Variants in NDUFV1 observed in about 807,000 individuals in gnomAD.
The protein encoded by NDUFV1 is NADH:ubiquinone oxidoreductase core subunit V1.
Under a neutral mutation model 48.7 loss-of-function variants are expected in NDUFV1, and 41 were observed. The ratio of observed to expected loss-of-function variants is 0.84; its 90% CI spans 0.66 to 1.09. NDUFV1 has a LOEUF of 1.09. Among genes scored for constraint, NDUFV1 ranks in the 50% least tolerant of loss-of-function variants. NDUFV1 has a pLI of 0.00. For missense variants in NDUFV1, 580 were observed against 645.4 expected (o/e 0.90, Z 1.10); for synonymous variants, 231 against 259.1 (o/e 0.89, Z 1.04).
intron 1 of NDUFV1, 51 bp downstream of exon 1, chr11:67,607,127 G>C (rs932743271): frequency 2.7e-5 from 42 of 1,562,846 alleles, no homozygotes; most frequent in Non-Finnish European, 3.4e-5. Flanking sequence ...GGGTGTCGCG[G>C]CCGCGCCCGT....
intron 1 of NDUFV1, 102 bp from the exon 2 acceptor site, chr11:67,608,294 C>A: frequency 9.0e-7 from 1 of 1,116,958 alleles, no homozygotes; most frequent in South Asian, 1.2e-5. Flanking sequence ...CTAGCCCTAG[C>A]CCAGCCCCTC....
chr11:67,607,743 G>T (rs1460779596), intron 1 of NDUFV1: 1 of 330,030 alleles, frequency 3.0e-6, no homozygotes, highest in South Asian at 2.3e-5. Context: ...CTGTGGGTTT[G>T]GCCACCGACA....
At chr11:67,608,231 A>AAG in intron 1 of NDUFV1, 165 bp from the exon 2 acceptor site, 1 of 725,284 alleles carries the variant, frequency 1.4e-6, no homozygotes, top group Non-Finnish European at 2.4e-6. Context: ...GTCTCAAAAA[A>AAG]AAAAAAATGC....
At position 67,611,502 on chromosome 11, in the gene NDUFV1, A is replaced by G. The variant is rs768791672; in HGVS notation, c.1013A>G (p.Asp338Gly). 6.2e-7 allele frequency: 1 copy of G among 1,613,744 alleles called. No individual in the cohort carries two copies. Among genetic ancestry groups the G allele is most frequent in the South Asian group, 1.1e-5 (1 of 90,922 alleles). Residue 338 changes from aspartate (D) to glycine (G), a missense_variant, in exon 7 of 10, where the codon GAC (aspartate) becomes GGC (glycine). Transcript: ENST00000322776. This position sits in a 1 kb window ranked among gnomAD's most constrained non-coding sequence, Gnocchi z 4.2. ...PKSVCETVLM[D>G]FDALVQAQTG... Reference sequence around the variant, plus strand: ...TCTGTGTGTGAGACGGTGCTGATGGACTTCGATGCGCTGGTGCAGGCACAG... The same window carrying G: ...TCTGTGTGTGAGACGGTGCTGATGGGCTTCGATGCGCTGGTGCAGGCACAG...
At position 67,611,291 on chromosome 11, in the gene NDUFV1, G is replaced by T; in HGVS notation, c.913+84G>T. On this transcript the variant is annotated intron_variant, in intron 6 of 9. Coordinates refer to ENST00000322776, the MANE Select transcript of NDUFV1 (RefSeq NM_007103.4). The surrounding 1 kb of genome is among the most constrained non-coding windows in gnomAD (Gnocchi z 4.2). Reference sequence around the variant, plus strand: ...AAGAGAGCCTGGGCGGGAGGGCTCAGGAGACGGGGCTGGGTCTAGGGGCTG... The same window carrying T: ...AAGAGAGCCTGGGCGGGAGGGCTCATGAGACGGGGCTGGGTCTAGGGGCTG... The T allele has an allele frequency of 1.9e-6, 3 of 1,595,430 alleles. No homozygotes were observed. The highest frequency in any genetic ancestry group is 2.6e-6 in the Non-Finnish European group (3 of 1,167,338).
In NDUFV1 at chr11:67,608,704, A is replaced by G; in HGVS notation, c.308A>G (p.Asn103Ser). 3 of 1,614,018 alleles carry G rather than the reference A, an allele frequency of 1.9e-6. No individual in the cohort carries two copies. Among genetic ancestry groups the G allele is most frequent in the South Asian group, 1.1e-5 (1 of 91,074 alleles). The change falls in exon 3 of 10, where the codon AAT becomes AGT. Residue 103 changes from asparagine to serine, a missense_variant. Physicochemically the swap from Asn to Ser is conservative, Grantham distance 46. Transcript: ENST00000322776. ...ACTGGCCTCAAGTGGAGCTTCATGA[A>G]TAAGCCCTCAGATGGCAGGTGTGTG... ...FPTGLKWSFM[N>S]KPSDGRPKYL...
chr11:67,612,325 G>A lies in NDUFV1; in HGVS notation c.1309-47G>A, dbSNP rs200142876. ...GGTGGCATCAAGGGCCCAGGGTGTT[G>A]GGGGATTTTTGGACTCTGTTTCACA... is the stretch of plus-strand genomic sequence containing the variant. On this transcript the variant is annotated intron_variant, in intron 9 of 9. Coordinates refer to ENST00000322776, the MANE Select transcript of NDUFV1 (RefSeq NM_007103.4). The surrounding 1 kb of genome is among the most constrained non-coding windows in gnomAD (Gnocchi z 4.4). 1,226 of 1,613,902 alleles carry A rather than the reference G, an allele frequency of 7.6e-4. No homozygotes were observed. The highest frequency in any genetic ancestry group is 8.9e-4 in the Non-Finnish European group (1,045 of 1,179,908).
intron 4 of NDUFV1, 89 bp from the exon 5 acceptor site, chr11:67,610,292 G>A (rs1053746485): frequency 1.9e-5 from 28 of 1,471,094 alleles, no homozygotes; most frequent in Middle Eastern, 1.7e-4. Flanking sequence ...TTCACCGTGG[G>A]AGGCCTTCAA....
At position 67,612,180 on chromosome 11, in the gene NDUFV1, A is replaced by C. The variant is rs760250432; in HGVS notation, c.1223A>C (p.Glu408Ala). 3.0e-5 allele frequency: 48 copies of C among 1,613,530 alleles called. No homozygotes were observed. Among genetic ancestry groups the C allele is most frequent in the Non-Finnish European group, 3.8e-5 (45 of 1,179,942 alleles). ...RFVRGDARPA[E>A]IDSLWEISKQ... The stretch of plus-strand genomic sequence containing the variant: ...GTGAGGGGGGATGCCCGGCCGGCCG[A>C]GATCGACTCCCTGTGGGAGATCAGC... The change falls in exon 9 of 10, where the codon GAG (glutamate) becomes GCG (alanine). Residue 408 changes from glutamate (E) to alanine (A), a missense_variant. Physicochemically the swap from Glu to Ala is moderately radical, Grantham distance 107. Coordinates refer to ENST00000322776, the MANE Select transcript of NDUFV1 (RefSeq NM_007103.4). The surrounding 1 kb of genome is among the most constrained non-coding windows in gnomAD (Gnocchi z 4.4).
At chr11:67,607,181 T>G in intron 1 of NDUFV1, 105 bp downstream of exon 1, 1 of 1,285,730 alleles carries the variant, frequency 7.8e-7, no homozygotes, top group Non-Finnish European at 1.1e-6. Context: ...TGGAGAGCCC[T>G]TCTCCCCAGG....
rs1854937144 is a variant in NDUFV1 at position 67,612,349 on chromosome 11, C to T, written c.1309-23C>T. 1.2e-6 allele frequency: 2 copies of T among 1,613,828 alleles called. No individual in the cohort carries two copies. Among genetic ancestry groups the T allele is most frequent in the East Asian group, 4.5e-5 (2 of 44,848 alleles). On this transcript the variant is annotated intron_variant, in intron 9 of 9. Transcript: ENST00000322776. This position sits in a 1 kb window ranked among gnomAD's most constrained non-coding sequence, Gnocchi z 4.4. Reference sequence around the variant, plus strand: ...TGGGGGATTTTTGGACTCTGTTTCACATGGTCCCCCCACCGACCCCAGGGT... The same window carrying T: ...TGGGGGATTTTTGGACTCTGTTTCATATGGTCCCCCCACCGACCCCAGGGT...
In NDUFV1 at chr11:67,612,188, T is replaced by TC. The variant is rs2134086437; in HGVS notation, c.1234dup (p.Leu412ProfsTer18). The TC allele has an allele frequency of 1.2e-6, 2 of 1,612,974 alleles. No individual in the cohort carries two copies. The highest frequency in any genetic ancestry group is 4.5e-5 in the East Asian group (2 of 44,734). ...GGATGCCCGGCCGGCCGAGATCGACTCCCTGTGGGAGATCAGCAAGCAGAT... is the reference window on the plus strand; with the variant it reads ...GGATGCCCGGCCGGCCGAGATCGACTCCCCTGTGGGAGATCAGCAAGCAGAT... On this transcript the variant is annotated frameshift_variant, in exon 9 of 10. Coordinates refer to ENST00000322776, the MANE Select transcript of NDUFV1 (RefSeq NM_007103.4). LOFTEE classifies it high-confidence loss of function. The surrounding 1 kb of genome is among the most constrained non-coding windows in gnomAD (Gnocchi z 4.4).
chr11:67,608,516 A>G (rs1415343722), intron 2 of NDUFV1, 36 bp from the exon 3 acceptor site: 1 of 1,614,224 alleles, frequency 6.2e-7, no homozygotes, highest in East Asian at 2.2e-5. Flanking sequence ...TCCCGGAGCA[A>G]GGTGTCCCCT....
intron 3 of NDUFV1, among the ~76,000 whole-genome samples, chr11:67,609,240 G>A (rs917556506): frequency 1.2e-4 from 19 of 152,176 alleles, no homozygotes; most frequent in Non-Finnish European, 2.8e-4. Context: ...GACCTTTCTT[G>A]TGGTCATAGC....
At chr11:67,610,866 G>A (rs1227800186) in intron 5 of NDUFV1, 129 bp from the exon 6 acceptor site, 3 of 924,920 alleles carry the variant, frequency 3.2e-6, no homozygotes, top group South Asian at 1.5e-5. Context: ...GTCCAGCAGG[G>A]ATAAGAATGA....
In NDUFV1 at chr11:67,611,518, G is replaced by A. The variant is rs1282538521; in HGVS notation, c.1029G>A (p.Val343=). Residue 343 remains valine (V), a synonymous_variant, in exon 7 of 10, where the codon GTG becomes GTA. Transcript: ENST00000322776. The surrounding 1 kb of genome is among the most constrained non-coding windows in gnomAD (Gnocchi z 4.2). ...ETVLMDFDAL[V]QAQTGLGTAA... Reference sequence around the variant, plus strand: ...TGCTGATGGACTTCGATGCGCTGGTGCAGGCACAGACAGGCCTGGGCACAG... The same window carrying A: ...TGCTGATGGACTTCGATGCGCTGGTACAGGCACAGACAGGCCTGGGCACAG... The A allele has an allele frequency of 2.5e-6, 4 of 1,612,972 alleles. No individual in the cohort carries two copies. In the African/African-American group the frequency reaches 4.0e-5, roughly 16 times the overall value.
chr11:67,610,473 TG>T lies in NDUFV1; in HGVS notation c.607del (p.Ala203ProfsTer23), dbSNP rs1565225264. Reference sequence around the variant, plus strand: ...TTGACGTGTTTGTGGTGCGCGGGGCTGGGGCCTACATCTGTGGAGAGGAGAC... The same window carrying T: ...TTGACGTGTTTGTGGTGCGCGGGGCTGGGCCTACATCTGTGGAGAGGAGAC... Reference protein sequence around the residue: ...DFDVFVVRGAGAYICGEETAL... With the variant: ...DFDVFVVRGAXAYICGEETAL... On this transcript the variant is annotated frameshift_variant, in exon 5 of 10. Coordinates refer to ENST00000322776, the MANE Select transcript of NDUFV1 (RefSeq NM_007103.4). LOFTEE classifies it high-confidence loss of function. 6.2e-7 allele frequency: 1 copy of T among 1,614,198 alleles called. No homozygotes were observed. Among genetic ancestry groups the T allele is most frequent in the Non-Finnish European group, 8.5e-7 (1 of 1,180,024 alleles).
intron 3 of NDUFV1, 175 bp from the exon 4 acceptor site, chr11:67,609,277 C>T: frequency 1.5e-6 from 1 of 648,670 alleles, no homozygotes; most frequent in South Asian, 1.9e-5. Flanking sequence ...AGGCAGTGAG[C>T]TCCCTGTCAT....
Position 67,609,474 on chromosome 11 carries a change from G to A in NDUFV1, c.349G>A (p.Ala117Thr), listed in dbSNP as rs757486575. Residue 117 changes from alanine to threonine, a missense_variant, in exon 4 of 10, where the codon GCA (alanine) becomes ACA (threonine). Physicochemically the swap from Ala to Thr is moderately conservative, Grantham distance 58 (BLOSUM62 0). Coordinates refer to ENST00000322776, the MANE Select transcript of NDUFV1 (RefSeq NM_007103.4). ...CAGGCCCAAGTATCTGGTGGTGAAC[G>A]CAGACGAGGGGGAGCCGGGCACCTG... is the stretch of plus-strand genomic sequence containing the variant. ...DGRPKYLVVN[A>T]DEGEPGTCKD... 9.9e-6 allele frequency: 16 copies of A among 1,613,432 alleles called. No homozygotes were observed. Among genetic ancestry groups the A allele is most frequent in the African/African-American group, 1.3e-5 (1 of 74,918 alleles).
Sources: allele counts gnomAD v4.1 joint callset (sites outside exome capture counted in the v4.1 genomes callset), GRCh38; gene constraint gnomAD v4.1.1; non-coding constraint Gnocchi (gnomAD v3.1); transcripts MANE v1.5; gene names NCBI Gene and HGNC (gene_info 2026-07-23, HGNC 2026-07-21).